Variants in THSD4 observed in about 807,000 individuals in gnomAD.
THSD4 encodes thrombospondin type-1 domain-containing protein 4.
In THSD4, 69 loss-of-function variants were observed where a neutral mutation model predicts 119.0. The observed-to-expected ratio is 0.58, with a 90% CI of 0.48 to 0.71. The LOEUF is 0.71. Among genes scored for constraint, THSD4 ranks in the 30% least tolerant of loss-of-function variants. The pLI, the probability that THSD4 is intolerant of heterozygous loss-of-function variation, is 0.00. For synonymous variants in THSD4, 524 were observed against 540.4 expected, an observed-to-expected ratio of 0.97 and a Z score of 0.42; for missense variants, 1,393 against 1,391.1, an observed-to-expected ratio of 1.00 and a Z score of -0.02.
chr15:71,384,152 G>C (rs2046264460), intron 6 of THSD4, among the ~76,000 whole-genome samples: 1 of 152,182 alleles, frequency 6.6e-6, no homozygotes, highest in Non-Finnish European at 1.5e-5. Context: ...GGCCGAGGCG[G>C]GCGGATCACG....
At chr15:71,732,383 A>G (rs2052997503) in intron 10 of THSD4, 1 of 152,360 alleles carries the variant, frequency 6.6e-6, no homozygotes, top group Non-Finnish European at 1.5e-5. Flanking sequence ...TGGACAGAGC[A>G]GGCAGCTTTC....
At chr15:71,431,848 A>G (rs2046946738) in intron 7 of THSD4, among the ~76,000 whole-genome samples, 1 of 152,224 alleles carries the variant, frequency 6.6e-6, no homozygotes, top group Admixed American at 6.5e-5. Flanking sequence ...ATGTGATAAC[A>G]TCAAGGTTGC....
intron 7 of THSD4, among the ~76,000 whole-genome samples, chr15:71,617,648 C>T (rs1423375647): frequency 6.6e-6 from 1 of 152,182 alleles, no homozygotes; most frequent in East Asian, 1.9e-4. Context: ...TGGTGCAAAG[C>T]TGGTCTTAAA....
intron 8 of THSD4, among the ~76,000 whole-genome samples, chr15:71,715,003 A>T (rs999691557): frequency 3.3e-5 from 5 of 152,214 alleles, no homozygotes; most frequent in African/African-American, 7.2e-5. Context: ...TTAGATACAT[A>T]ACCCTTATAA....
At chr15:71,694,930 T>G (rs918624557) in intron 8 of THSD4, among the ~76,000 whole-genome samples, 1 of 152,142 alleles carries the variant, frequency 6.6e-6, no homozygotes, top group African/African-American at 2.4e-5. Flanking sequence ...CCACAGGAGA[T>G]GGAGAGGTGT....
chr15:71,594,943 G>C (rs1371113837), intron 7 of THSD4, among the ~76,000 whole-genome samples: 1 of 151,178 alleles, frequency 6.6e-6, no homozygotes, highest in African/African-American at 2.4e-5. Context: ...TGACATCTGA[G>C]CTAGGTGTCA....
At chr15:71,194,918 C>T (rs547241026) in intron 3 of THSD4, among the ~76,000 whole-genome samples, 8 of 152,070 alleles carry the variant, frequency 5.3e-5, no homozygotes, top group East Asian at 1.9e-4. Context: ...GGAAAGTCGG[C>T]GGCCACCAGA....
intron 3 of THSD4, among the ~76,000 whole-genome samples, chr15:71,199,871 G>GC (rs1292014803): frequency 1.2e-4 from 6 of 49,844 alleles, no homozygotes; most frequent in Non-Finnish European, 2.2e-4. Context: ...TGGGGTGTGT[G>GC]TGTGTGTGGT....
intron 7 of THSD4, among the ~76,000 whole-genome samples, chr15:71,438,663 T>C (rs888293211): frequency 6.6e-6 from 1 of 151,140 alleles, no homozygotes; most frequent in Non-Finnish European, 1.5e-5. Context: ...TCCCTCTTTA[T>C]TACTTGTGTA....
In THSD4 at chr15:71,411,735, G is replaced by C; in HGVS notation, c.1064G>C (p.Arg355Pro). Residue 355 changes from arginine to proline, a missense_variant, in exon 7 of 18, where the codon CGC becomes CCC. Coordinates refer to ENST00000261862, the MANE Select transcript of THSD4 (RefSeq NM_024817.3). ...CELNCQAMGY[R>P]FYVRQAEKVI... ...TTGAACTGCCAGGCAATGGGCTACCGCTTCTATGTACGGCAAGCTGAGAAA... is the reference window on the plus strand; with the variant it reads ...TTGAACTGCCAGGCAATGGGCTACCCCTTCTATGTACGGCAAGCTGAGAAA... The C allele has an allele frequency of 2.5e-6, 4 of 1,614,080 alleles. No homozygotes were observed. Among genetic ancestry groups the C allele is most frequent in the Non-Finnish European group, 3.4e-6 (4 of 1,179,992 alleles).
At position 71,215,367 on chromosome 15, in the gene THSD4, GC is replaced by G. The variant is rs1338864098; in HGVS notation, c.436del (p.Gln146ArgfsTer102). ...TVLRGSRHPQ[P>X]QGLEVTGDRR... ...TGCTGCGAGGCAGCCGGCACCCACAGCCCCAGGGCCTCGAAGTCACTGGGGA... is the reference window on the plus strand; with the variant it reads ...TGCTGCGAGGCAGCCGGCACCCACAGCCCAGGGCCTCGAAGTCACTGGGGA... On this transcript the variant is annotated frameshift_variant, in exon 4 of 18. Coordinates refer to ENST00000261862, the MANE Select transcript of THSD4 (RefSeq NM_024817.3). LOFTEE classifies it high-confidence loss of function. 6.5e-7 allele frequency: 1 copy of G among 1,532,154 alleles called. No homozygotes were observed. The highest frequency in any genetic ancestry group is 1.2e-5 in the South Asian group (1 of 83,868). 94.9% of individuals were successfully genotyped at this position (1,532,154 alleles called of 1,614,324 possible). A position where few individuals can be genotyped will look rare whatever the true frequency, so the allele number is the denominator to read the frequency against.
Position 71,717,059 on chromosome 15 carries a change from T to C in THSD4, c.1358-11490T>C, listed in dbSNP as rs114923768. Among the ~76,000 whole-genome samples, 1,312 of 152,330 alleles carry C rather than the reference T, an allele frequency of 8.6e-3. 19 individuals carry two copies. Among genetic ancestry groups the C allele is most frequent in the African/African-American group, 0.03 (1,252 of 41,578 alleles). On this transcript the variant is annotated intron_variant, in intron 8 of 17. Transcript: ENST00000261862. ...GCATTCTGGGGCACATGTTGCTGCC[T>C]TTTGCATACATATGTGAGCCCTGAT...
intron 6 of THSD4, among the ~76,000 whole-genome samples, chr15:71,301,247 C>G (rs1184562176): frequency 6.6e-6 from 1 of 152,134 alleles, no homozygotes; most frequent in East Asian, 1.9e-4. Flanking sequence ...AATTTTTTAA[C>G]AAAACCTATG....
chr15:71,114,607 G>A (rs753808165), upstream of THSD4, among the ~76,000 whole-genome samples: 1 of 152,170 alleles, frequency 6.6e-6, no homozygotes, highest in South Asian at 2.1e-4. Context: ...AAGAAACGGG[G>A]CCCTAGCAAT....
At chr15:71,206,720 G>A (rs1364614584) in intron 3 of THSD4, among the ~76,000 whole-genome samples, 1 of 152,180 alleles carries the variant, frequency 6.6e-6, no homozygotes, top group Non-Finnish European at 1.5e-5. Flanking sequence ...ATTTACTGGT[G>A]GCGATGAGAA....
rs530851202 is a variant in THSD4 at position 71,653,494 on chromosome 15, C to A, written c.1153-7036C>A. Among the ~76,000 whole-genome samples the A allele has an allele frequency of 9.2e-5, 14 of 152,312 alleles. No homozygotes were observed. The South Asian group carries it at 2.9e-3, about 32-fold the overall frequency. ...TGTTTGTCACACTGAGAGGGATGCTCCTGGCATCTGGTGGGTAGAAGCCAA... is the reference window on the plus strand; with the variant it reads ...TGTTTGTCACACTGAGAGGGATGCTACTGGCATCTGGTGGGTAGAAGCCAA... On this transcript the variant is annotated intron_variant, in intron 7 of 17. Transcript: ENST00000261862.
intron 8 of THSD4, among the ~76,000 whole-genome samples, chr15:71,723,752 G>C (rs187125860): frequency 2.0e-5 from 3 of 152,128 alleles, no homozygotes; most frequent in African/African-American, 7.2e-5. Flanking sequence ...GGAGAAGACT[G>C]CCCTGGAGAA....
chr15:71,322,259 A>G (rs1198060657), intron 6 of THSD4, among the ~76,000 whole-genome samples: 1 of 151,792 alleles, frequency 6.6e-6, no homozygotes, highest in Non-Finnish European at 1.5e-5. Flanking sequence ...AGAGTCTGAG[A>G]GGCTAAGACT....
At chr15:71,153,659 C>T (rs1055873852) in intron 2 of THSD4, among the ~76,000 whole-genome samples, 3 of 152,118 alleles carry the variant, frequency 2.0e-5, no homozygotes, top group Non-Finnish European at 4.4e-5. Flanking sequence ...CCCCCGGCTT[C>T]GGGCAGGTTT....
Sources: gnomAD v4.1 joint callset for allele counts (sites outside exome capture counted in the v4.1 genomes callset) on GRCh38, gnomAD v4.1.1 for gene constraint, MANE v1.5 for transcripts, NCBI Gene and HGNC (gene_info 2026-07-23, HGNC 2026-07-21) for gene names.